The following TMEM117 variants were observed in gnomAD, a reference collection of about 807,000 sequenced individuals.
TMEM117 encodes transmembrane protein 117.
Under a neutral mutation model 52.4 loss-of-function variants are expected in TMEM117, and 27 were observed. The observed-to-expected ratio is 0.51, with a 90% CI of 0.38 to 0.71. TMEM117 has a LOEUF of 0.71. Among genes scored for constraint, TMEM117 ranks in the 30% least tolerant of loss-of-function variants. The pLI, the probability that TMEM117 is intolerant of heterozygous loss-of-function variation, is 0.00. For synonymous variants in TMEM117, 215 were observed against 206.3 expected, an observed-to-expected ratio of 1.04 and a Z score of -0.36; for missense variants, 556 against 630.5, an observed-to-expected ratio of 0.88 and a Z score of 1.26.
intron 4 of TMEM117, among the ~76,000 whole-genome samples, chr12:44,189,191 A>G (rs1004694488): frequency 1.2e-4 from 19 of 152,140 alleles, no homozygotes; most frequent in African/African-American, 4.6e-4. Context: ...AATTTTTAAT[A>G]CTTATTAAAT....
chr12:43,986,260 A>G (rs767325908), intron 3 of TMEM117, among the ~76,000 whole-genome samples: 3 of 152,234 alleles, frequency 2.0e-5, no homozygotes, highest in Non-Finnish European at 2.9e-5. Flanking sequence ...TTTTGAAAAT[A>G]CAGAAAAATA....
intron 3 of TMEM117, among the ~76,000 whole-genome samples, chr12:44,085,137 A>G (rs1947545362): frequency 6.6e-6 from 1 of 152,206 alleles, no homozygotes; most frequent in Non-Finnish European, 1.5e-5. Context: ...AGACTACCTC[A>G]TTAAACCTTT....
chr12:44,184,626 C>T (rs1160670930), intron 4 of TMEM117, among the ~76,000 whole-genome samples: 1 of 152,120 alleles, frequency 6.6e-6, no homozygotes. Flanking sequence ...AAATGGGGAC[C>T]TCAGTCCTAC....
chr12:44,094,523 A>G (rs191983497), intron 3 of TMEM117, among the ~76,000 whole-genome samples: 1 of 152,122 alleles, frequency 6.6e-6, no homozygotes, highest in Admixed American at 6.6e-5. Context: ...CATTAGTGAA[A>G]AGTATTAAAA....
At chr12:44,217,285 G>T (rs1949730946) in intron 5 of TMEM117, among the ~76,000 whole-genome samples, 1 of 152,066 alleles carries the variant, frequency 6.6e-6, no homozygotes, top group African/African-American at 2.4e-5. Flanking sequence ...ATGAGCCATG[G>T]TTCAAAACTA....
intron 3 of TMEM117, among the ~76,000 whole-genome samples, chr12:44,034,760 A>G (rs1018442490): frequency 6.6e-6 from 1 of 152,210 alleles, no homozygotes; most frequent in African/African-American, 2.4e-5. Context: ...TGACAGTTTT[A>G]TGAGTCAGCT....
chr12:43,925,139 A>G (rs1489801757), intron 2 of TMEM117, among the ~76,000 whole-genome samples: 3 of 152,068 alleles, frequency 2.0e-5, no homozygotes, highest in South Asian at 2.1e-4. Flanking sequence ...GGAAACTACG[A>G]TAACTTTCAC....
intron 4 of TMEM117, among the ~76,000 whole-genome samples, chr12:44,205,411 C>T (rs1189281642): frequency 6.6e-6 from 1 of 152,140 alleles, no homozygotes; most frequent in Admixed American, 6.6e-5. Context: ...AAACCTCTTC[C>T]TTTATAAATT....
At chr12:44,373,427 A>G (rs1951892521) in intron 6 of TMEM117, among the ~76,000 whole-genome samples, 1 of 152,238 alleles carries the variant, frequency 6.6e-6, no homozygotes, top group African/African-American at 2.4e-5. Flanking sequence ...GGAGAACACG[A>G]CTTTCTTCCT....
At chr12:44,032,520 A>G (rs1419253561) in intron 3 of TMEM117, among the ~76,000 whole-genome samples, 1 of 152,196 alleles carries the variant, frequency 6.6e-6, no homozygotes, top group African/African-American at 2.4e-5. Flanking sequence ...TAGCAACCCC[A>G]TATCAGCTTG....
At chr12:43,951,834 C>T (rs1014171052) in intron 3 of TMEM117, among the ~76,000 whole-genome samples, 1 of 152,164 alleles carries the variant, frequency 6.6e-6, no homozygotes, top group African/African-American at 2.4e-5. Flanking sequence ...CCCCATGCCT[C>T]CTATCTGGGT....
chr12:44,100,402 A>G (rs1020884461), intron 3 of TMEM117, among the ~76,000 whole-genome samples: 4 of 152,026 alleles, frequency 2.6e-5, no homozygotes, highest in African/African-American at 7.2e-5. Context: ...GCGGAGACCA[A>G]TAAATTCTAT....
At chr12:43,889,394 A>C (rs146670186) in intron 2 of TMEM117, among the ~76,000 whole-genome samples, 438 of 152,252 alleles carry the variant, frequency 2.9e-3, no homozygotes, top group Middle Eastern at 6.8e-3. Context: ...GGATTCTTAA[A>C]AGGAGCACAC....
intron 3 of TMEM117, among the ~76,000 whole-genome samples, chr12:44,126,002 G>A (rs1948318309): frequency 6.6e-6 from 1 of 151,972 alleles, no homozygotes; most frequent in African/African-American, 2.4e-5. Flanking sequence ...AGGTTGTTCA[G>A]TTTCCATGTA....
chr12:43,810,003 A>C, the TMEM117 span, among the ~76,000 whole-genome samples: 4 of 152,204 alleles, frequency 2.6e-5, no homozygotes, highest in South Asian at 8.3e-4. Context: ...TTTCTTTATT[A>C]TTTTCCCAAG....
intron 4 of TMEM117, among the ~76,000 whole-genome samples, chr12:44,153,843 T>C (rs1413607275): frequency 2.0e-5 from 3 of 152,076 alleles, no homozygotes; most frequent in Admixed American, 2.0e-4. Context: ...AGCAATGAAG[T>C]ATCTTGTATT....
chr12:44,111,573 A>T (rs1166745527), intron 3 of TMEM117, among the ~76,000 whole-genome samples: 2 of 81,844 alleles, frequency 2.4e-5, no homozygotes. Context: ...TCTGAGAGAT[A>T]GTTTGTTATA....
At chr12:44,120,497 G>C (rs1429292381) in intron 3 of TMEM117, among the ~76,000 whole-genome samples, 1 of 152,140 alleles carries the variant, frequency 6.6e-6, no homozygotes, top group Non-Finnish European at 1.5e-5. Context: ...CTTGCTCACA[G>C]CTCCAGGAGC....
At chr12:44,214,867 G>A (rs1047121241) in intron 5 of TMEM117, among the ~76,000 whole-genome samples, 5 of 152,184 alleles carry the variant, frequency 3.3e-5, no homozygotes, top group Admixed American at 3.3e-4. Flanking sequence ...TATGTGGGAA[G>A]TAAAGAAATC....
Sources: gnomAD v4.1 joint callset for allele counts (sites outside exome capture counted in the v4.1 genomes callset) on GRCh38, gnomAD v4.1.1 for gene constraint, MANE v1.5 for transcripts, NCBI Gene and HGNC (gene_info 2026-07-23, HGNC 2026-07-21) for gene names.